The following GRIP1 variants were observed in gnomAD, a reference collection of about 807,000 sequenced individuals.
GRIP1 encodes glutamate receptor-interacting protein 1.
GRIP1 carries 45 observed loss-of-function variants against 129.9 expected under a neutral mutation model. The ratio of observed to expected loss-of-function variants is 0.35; its 90% CI spans 0.27 to 0.44. The LOEUF (loss-of-function observed/expected upper bound fraction) is 0.44, where lower values mean the gene tolerates loss of function less well. GRIP1 is among the 20% of genes least tolerant of loss of function. GRIP1 has a pLI of 1.00. For missense variants in GRIP1, 1,196 were observed against 1,396.8 expected (o/e 0.86, Z 2.29); for synonymous variants, 530 against 520.8 (o/e 1.02, Z -0.24).
At chr12:66,831,272 C>T (rs912499788) in intron 1 of GRIP1, among the ~76,000 whole-genome samples, 3 of 152,298 alleles carry the variant, frequency 2.0e-5, no homozygotes, top group African/African-American at 4.8e-5. Flanking sequence ...TACAAGGTGA[C>T]ACTAGGCTCG....
intron 4 of GRIP1, among the ~76,000 whole-genome samples, chr12:66,535,500 T>C (rs1015663949): frequency 6.6e-6 from 1 of 152,224 alleles, no homozygotes; most frequent in African/African-American, 2.4e-5. Context: ...ACAAAAATCC[T>C]GCAACTACTA....
intron 14 of GRIP1, among the ~76,000 whole-genome samples, chr12:66,427,861 C>G: frequency 6.6e-6 from 1 of 152,204 alleles, no homozygotes; most frequent in Non-Finnish European, 1.5e-5. Flanking sequence ...AAAAAATTCT[C>G]TGAATCCACC....
At chr12:66,606,886 C>T (rs1314049520) in intron 1 of GRIP1, among the ~76,000 whole-genome samples, 1 of 151,966 alleles carries the variant, frequency 6.6e-6, no homozygotes, top group Non-Finnish European at 1.5e-5. Context: ...AATTATGTGC[C>T]TAAATTTACC....
chr12:66,942,878 T>C (rs985192910), intron 1 of GRIP1, among the ~76,000 whole-genome samples: 2 of 152,186 alleles, frequency 1.3e-5, no homozygotes, highest in Non-Finnish European at 2.9e-5. Flanking sequence ...AGCTTGCTAC[T>C]TCTCTCTCCG....
At chr12:66,816,394 C>T (rs1208624816) in intron 1 of GRIP1, among the ~76,000 whole-genome samples, 1 of 152,156 alleles carries the variant, frequency 6.6e-6, no homozygotes, top group Admixed American at 6.5e-5. Context: ...TAGAGCTTGG[C>T]CTCTGATAGG....
intron 23 of GRIP1, among the ~76,000 whole-genome samples, chr12:66,365,681 G>T (rs1373549929): frequency 1.3e-5 from 2 of 152,158 alleles, no homozygotes; most frequent in Non-Finnish European, 2.9e-5. Flanking sequence ...ACTGATAAGT[G>T]ACTGGTCACT....
At chr12:66,876,293 C>T (rs779623845) in intron 1 of GRIP1, among the ~76,000 whole-genome samples, 3 of 151,898 alleles carry the variant, frequency 2.0e-5, no homozygotes, top group Non-Finnish European at 4.4e-5. Flanking sequence ...TTGTTATAAT[C>T]ATCTTCATAG....
In GRIP1 at chr12:66,689,321, C is replaced by T. The variant is rs530570862; in HGVS notation, c.-419-58985G>A. On this transcript the variant is annotated intron_variant, in intron 1 of 4. Coordinates refer to the GRIP1 transcript ENST00000538373. ...GCACATGGGAAAGCCAAGGGGGAGC[C>T]GAAGTCCAGGAAAAGCAGGCGGAAG... Among the ~76,000 whole-genome samples, 75 of 152,194 alleles carry T rather than the reference C, an allele frequency of 4.9e-4. 1 individual carries two copies. Among genetic ancestry groups the T allele is most frequent in the African/African-American group, 1.6e-3 (65 of 41,536 alleles).
chr12:66,839,118 C>T (rs769056262), intron 1 of GRIP1, among the ~76,000 whole-genome samples: 3 of 152,028 alleles, frequency 2.0e-5, no homozygotes, highest in Non-Finnish European at 2.9e-5. Flanking sequence ...GAATTTAATT[C>T]CCAACAGATT....
At chr12:66,782,748 T>TTACTCTTACTGCTTGC in intron 1 of GRIP1, among the ~76,000 whole-genome samples, 1 of 152,308 alleles carries the variant, frequency 6.6e-6, no homozygotes, top group East Asian at 1.9e-4. Flanking sequence ...ACAAAGGTAG[T>TTACTCTTACTGCTTGC]TACTCTTACT....
At chr12:66,834,281 C>T (rs1332934912) in intron 1 of GRIP1, among the ~76,000 whole-genome samples, 8 of 151,048 alleles carry the variant, frequency 5.3e-5, no homozygotes, top group African/African-American at 9.7e-5. Context: ...GGCTTTGAGA[C>T]ATTACCTTCC....
intron 19 of GRIP1, among the ~76,000 whole-genome samples, chr12:66,389,805 A>T (rs2056509646): frequency 6.6e-6 from 1 of 152,138 alleles, no homozygotes; most frequent in Admixed American, 6.6e-5. Context: ...TGAATGTTAC[A>T]CTTTAACGGG....
chr12:66,785,544 T>G (rs1331980854), intron 1 of GRIP1, among the ~76,000 whole-genome samples: 1 of 151,350 alleles, frequency 6.6e-6, no homozygotes, highest in Non-Finnish European at 1.5e-5. Flanking sequence ...TGGAAATATT[T>G]CGGGTGGGAG....
At chr12:66,757,193 T>C (rs7314581) in intron 1 of GRIP1, among the ~76,000 whole-genome samples, 2,816 of 152,272 alleles carry the variant, frequency 0.018, 86 homozygotes, top group African/African-American at 0.064. Flanking sequence ...CTTATTCATG[T>C]ATTTAACTAT....
intron 2 of GRIP1, among the ~76,000 whole-genome samples, chr12:66,580,801 T>G (rs1486830909): frequency 1.3e-5 from 2 of 151,294 alleles, no homozygotes. Flanking sequence ...TCCCACACAT[T>G]AATAATGGGA....
intron 1 of GRIP1, among the ~76,000 whole-genome samples, chr12:66,974,308 C>A (rs992967630): frequency 9.2e-5 from 14 of 152,136 alleles, no homozygotes; most frequent in Admixed American, 4.6e-4. Context: ...ATATTTCTTA[C>A]CTCCTTGCTT....
intron 1 of GRIP1, among the ~76,000 whole-genome samples, chr12:67,058,851 A>G (rs2135879563): frequency 6.6e-6 from 1 of 152,348 alleles, no homozygotes; most frequent in East Asian, 1.9e-4. Context: ...TTAAGTTTTC[A>G]AGAAACTTAA....
chr12:66,849,079 C>T (rs997319491), intron 1 of GRIP1, among the ~76,000 whole-genome samples: 2 of 152,150 alleles, frequency 1.3e-5, no homozygotes, highest in Admixed American at 1.3e-4. Flanking sequence ...CACTTTTCTG[C>T]ATCCAGCATA....
intron 1 of GRIP1, among the ~76,000 whole-genome samples, chr12:67,009,089 A>G (rs1380959679): frequency 6.6e-6 from 1 of 152,164 alleles, no homozygotes; most frequent in Admixed American, 6.6e-5. Flanking sequence ...TTTGGTCTGA[A>G]ATATTTTAAG....
Sources: gnomAD v4.1 joint callset for allele counts (sites outside exome capture counted in the v4.1 genomes callset) on GRCh38, gnomAD v4.1.1 for gene constraint, MANE v1.5 for transcripts, NCBI Gene and HGNC (gene_info 2026-07-23, HGNC 2026-07-21) for gene names.